The following C10orf67 variants were observed in gnomAD, a reference collection of about 807,000 sequenced individuals.
C10orf67 encodes uncharacterized protein C10orf67, mitochondrial.
In C10orf67, 60 loss-of-function variants were observed where a neutral mutation model predicts 35.6. The observed-to-expected ratio is 1.68, with a 90% CI of 1.37 to 2.09. The LOEUF is 2.09. Among genes scored for constraint, C10orf67 ranks in the 30% most tolerant of loss-of-function variants. The pLI, the probability that C10orf67 is intolerant of heterozygous loss-of-function variation, is 0.00. For synonymous variants in C10orf67, 167 were observed against 115.8 expected, an observed-to-expected ratio of 1.44 and a Z score of -2.84; for missense variants, 474 against 330.2, an observed-to-expected ratio of 1.44 and a Z score of -3.38.
At chr10:23,248,675 C>T (rs1322605311) in intron 12 of C10orf67, among the ~76,000 whole-genome samples, 1 of 152,130 alleles carries the variant, frequency 6.6e-6, no homozygotes, top group African/African-American at 2.4e-5. Flanking sequence ...ATCTCCATAT[C>T]ACACCACGAT....
In C10orf67 at chr10:23,208,844, G is replaced by A. The variant is rs1841229122; in HGVS notation, c.1571-4589C>T. On this transcript the variant is annotated intron_variant, in intron 15 of 15. Transcript: ENST00000636213. ...ACTTGAACAATCCTTGTGCATTGGAGCCTGCTCTCTTGCTGCTCTGGAGAA... is the reference window on the plus strand; with the variant it reads ...ACTTGAACAATCCTTGTGCATTGGAACCTGCTCTCTTGCTGCTCTGGAGAA... 4.6e-5 allele frequency among the ~76,000 whole-genome samples: 7 copies of A among 152,140 alleles called. No individual in the cohort carries two copies. In the South Asian group the frequency reaches 1.5e-3, roughly 32 times the overall value.
intron 7 of C10orf67, 57 bp from the exon 8 acceptor site, chr10:23,282,135 C>A: frequency 2.3e-6 from 1 of 439,262 alleles, no homozygotes; most frequent in South Asian, 5.8e-5. Flanking sequence ...CACCTAAAAT[C>A]CCTCCTCAAG....
intron 1 of C10orf67, among the ~76,000 whole-genome samples, chr10:23,337,423 A>G (rs1001057341): frequency 6.6e-6 from 1 of 152,086 alleles, no homozygotes; most frequent in African/African-American, 2.4e-5. Context: ...AGTCCCAGGT[A>G]CTTGGGAGGC....
At position 23,322,507 on chromosome 10, in the gene C10orf67, A is replaced by G. The variant is rs988096864; in HGVS notation, c.358T>C (p.Phe120Leu). 7 of 1,611,268 alleles carry G rather than the reference A, an allele frequency of 4.3e-6. No homozygotes were observed. The African/African-American group carries it at 9.3e-5, about 22-fold the overall frequency. ...MMKSLQVDFG[F>L]LKQLLQLKFE... ...TTCAACTGAAGCAATTGTTTGAGGA[A>G]CCCAAAATCTACCTGGAGGGATTTC... Residue 120 changes from phenylalanine to leucine, a missense_variant, in exon 3 of 16, where the codon TTC becomes CTC. Transcript: ENST00000636213.
intron 4 of C10orf67, among the ~76,000 whole-genome samples, chr10:23,305,625 TATG>T (rs921081093): frequency 6.6e-6 from 1 of 152,192 alleles, no homozygotes; most frequent in Non-Finnish European, 1.5e-5. Flanking sequence ...ATTACCTCAT[TATG>T]ATAAGAATGA....
intron 15 of C10orf67, among the ~76,000 whole-genome samples, chr10:23,211,259 C>T (rs1316428606): frequency 6.6e-6 from 1 of 152,188 alleles, no homozygotes; most frequent in Non-Finnish European, 1.5e-5. Flanking sequence ...TCACTCCAAT[C>T]TCTGTCTCTG....
intron 15 of C10orf67, among the ~76,000 whole-genome samples, chr10:23,209,997 CT>C (rs1407377586): frequency 3.0e-5 from 2 of 66,728 alleles, no homozygotes; most frequent in Non-Finnish European, 2.4e-5. Context: ...CAGACCTTGG[CT>C]AAAAAAAAAA....
At chr10:23,321,997 A>G (rs1006438828) in intron 3 of C10orf67, among the ~76,000 whole-genome samples, 9 of 152,104 alleles carry the variant, frequency 5.9e-5, no homozygotes, top group Non-Finnish European at 1.2e-4. Flanking sequence ...GATGTTGCCC[A>G]AGCTGGTCTT....
chr10:23,227,033 C>T (rs2132113967), intron 13 of C10orf67, among the ~76,000 whole-genome samples: 1 of 152,306 alleles, frequency 6.6e-6, no homozygotes, highest in Non-Finnish European at 1.5e-5. Flanking sequence ...TGGAACCATT[C>T]CTTCTGAAAC....
intron 10 of C10orf67, among the ~76,000 whole-genome samples, chr10:23,264,707 GCTGTGGGGACCGGGGCAC>G (rs1392279535): frequency 6.6e-6 from 1 of 152,216 alleles, no homozygotes; most frequent in East Asian, 1.9e-4. Flanking sequence ...CCTTGGGGTT[GCTGTGGGGACCGGGGCAC>G]CTTCTGCTAC....
chr10:23,322,334 C>T (rs189807596), intron 3 of C10orf67, 60 bp downstream of exon 3: 104 of 1,529,206 alleles, frequency 6.8e-5, no homozygotes, highest in Middle Eastern at 1.8e-4. Context: ...AACTGCACTG[C>T]ATACACATCT....
intron 1 of C10orf67, among the ~76,000 whole-genome samples, chr10:23,342,580 G>T (rs909142969): frequency 4.6e-5 from 7 of 151,920 alleles, no homozygotes; most frequent in Non-Finnish European, 1.0e-4. Context: ...TTTTTTTTGG[G>T]AGCTACCCCA....
At chr10:23,268,977 T>C (rs1398265830) in intron 8 of C10orf67, among the ~76,000 whole-genome samples, 1 of 152,270 alleles carries the variant, frequency 6.6e-6, no homozygotes, top group Non-Finnish European at 1.5e-5. Context: ...TAGTCTGTTG[T>C]TGACCAAAAT....
chr10:23,328,068 A>C (rs572199116), intron 2 of C10orf67, among the ~76,000 whole-genome samples: 3 of 152,208 alleles, frequency 2.0e-5, no homozygotes, highest in Non-Finnish European at 4.4e-5. Context: ...CGAGTATTTA[A>C]ATTTAAATAC....
intron 13 of C10orf67, among the ~76,000 whole-genome samples, chr10:23,230,396 T>C (rs1367133536): frequency 6.6e-6 from 1 of 152,066 alleles, no homozygotes; most frequent in Non-Finnish European, 1.5e-5. Context: ...TGATTAAATA[T>C]TGGATGAACT....
At chr10:23,257,765 T>C (rs567236468) in intron 10 of C10orf67, among the ~76,000 whole-genome samples, 1 of 151,340 alleles carries the variant, frequency 6.6e-6, no homozygotes, top group African/African-American at 2.4e-5. Context: ...ATCACAGCAC[T>C]GCACTCCAAC....
Position 23,319,406 on chromosome 10 carries a change from G to A in C10orf67, c.546+1335C>T, listed in dbSNP as rs572938805. On this transcript the variant is annotated intron_variant, in intron 4 of 15. Coordinates refer to ENST00000636213, the MANE Select transcript of C10orf67 (RefSeq NM_001371909.1). ...CACATTTTTTTTTATCCAGTCCACC[G>A]TTGATGGGCATCTAGGTTAATTTCA... Among the ~76,000 whole-genome samples the A allele has an allele frequency of 2.6e-5, 4 of 152,046 alleles. No individual in the cohort carries two copies. In the South Asian group the frequency reaches 8.3e-4, roughly 32 times the overall value.
intron 12 of C10orf67, 91 bp from the exon 13 acceptor site, chr10:23,239,907 T>A (rs1230287515): frequency 2.2e-6 from 1 of 457,202 alleles, no homozygotes; most frequent in African/African-American, 2.0e-5. Flanking sequence ...GAAACTACAT[T>A]AAAATTTTAA....
intron 13 of C10orf67, among the ~76,000 whole-genome samples, chr10:23,227,875 T>C (rs557680111): frequency 4.3e-4 from 65 of 152,086 alleles, no homozygotes; most frequent in Non-Finnish European, 7.9e-4. Flanking sequence ...GGAATCCAAC[T>C]TACAAGGGAT....
Sources: allele counts gnomAD v4.1 joint callset (sites outside exome capture counted in the v4.1 genomes callset), GRCh38; gene constraint gnomAD v4.1.1; transcripts MANE v1.5; gene names NCBI Gene and HGNC (gene_info 2026-07-23, HGNC 2026-07-21).